SLC35E2B: variants seen among roughly 807,000 people sequenced by gnomAD.
The protein encoded by SLC35E2B is solute carrier family 35, member E2B.
In SLC35E2B, 18 loss-of-function variants were observed where a neutral mutation model predicts 32.4. The observed-to-expected ratio is 0.56, with a 90% confidence interval of 0.38 to 0.82. The LOEUF is 0.82. Ranked by LOEUF, SLC35E2B falls within the 40% of genes least tolerant of loss-of-function variation. The pLI is 0.00. For synonymous variants in SLC35E2B, 132 were observed against 209.1 expected, an observed-to-expected ratio of 0.63 and a Z score of 3.18; for missense variants, 263 against 469.5, an observed-to-expected ratio of 0.56 and a Z score of 4.06.
chr1:1,664,131 C>G lies in SLC35E2B; in HGVS notation c.*1651G>C. 6.8e-6 allele frequency: 3 copies of G among 443,394 alleles called. No homozygotes were observed. The highest frequency in any genetic ancestry group is 9.0e-6 in the Non-Finnish European group (3 of 333,802). The allele number at this position is 443,394 out of a possible 1,614,324, so 27.5% of individuals were successfully genotyped here. On this transcript the variant is annotated 3_prime_UTR_variant, in exon 10 of 10. Transcript: ENST00000617444. Reference sequence around the variant, plus strand: ...CCAGGAAGTCGAGGCTGCAGTGAGCCAAGATCATGCCACTGTACTCCAGCC... The same window carrying G: ...CCAGGAAGTCGAGGCTGCAGTGAGCGAAGATCATGCCACTGTACTCCAGCC...
At chr1:1,679,596 G>A (rs957554731) in intron 2 of SLC35E2B, among the ~76,000 whole-genome samples, 2 of 151,896 alleles carry the variant, frequency 1.3e-5, no homozygotes, top group Admixed American at 6.6e-5. Flanking sequence ...GGAGGCCAAG[G>A]TGGGCGGATC....
chr1:1,669,575 C>T (rs1643630840), intron 8 of SLC35E2B, 89 bp downstream of exon 8: 16 of 1,353,390 alleles, frequency 1.2e-5, no homozygotes, highest in Admixed American at 7.4e-5. Flanking sequence ...AGCCAGCACA[C>T]GGCCTGGAAA....
At chr1:1,670,222 T>C in intron 6 of SLC35E2B, 71 bp from the exon 7 acceptor site, 1 of 1,149,314 alleles carries the variant, frequency 8.7e-7, no homozygotes, top group Non-Finnish European at 1.3e-6. Flanking sequence ...AGAAGGTGTC[T>C]GCGCTCACAC....
chr1:1,678,648 C>G (rs897260402), intron 2 of SLC35E2B, among the ~76,000 whole-genome samples: 6 of 152,152 alleles, frequency 3.9e-5, no homozygotes, highest in Non-Finnish European at 8.8e-5. Flanking sequence ...TTCCCACAGC[C>G]TCGGAATAAC....
chr1:1,678,969 G>A (rs187299405), intron 2 of SLC35E2B, among the ~76,000 whole-genome samples: 2 of 152,246 alleles, frequency 1.3e-5, no homozygotes, highest in South Asian at 2.1e-4. Context: ...GAGCACTCGC[G>A]ACAGGGCTCC....
chr1:1,671,729 G>T, intron 5 of SLC35E2B, 100 bp from the exon 6 acceptor site: 1 of 1,189,578 alleles, frequency 8.4e-7, no homozygotes, highest in Non-Finnish European at 1.1e-6. Context: ...AGGAACGGAT[G>T]CTTCCTTCAA....
At chr1:1,679,830 C>CAA (rs763458628) in intron 2 of SLC35E2B, among the ~76,000 whole-genome samples, 7 of 70,730 alleles carry the variant, frequency 9.9e-5, no homozygotes, top group South Asian at 4.3e-4. Context: ...AGACTCCCGT[C>CAA]AAAAAAAAAA....
chr1:1,670,133 T>C lies in SLC35E2B; in HGVS notation c.726A>G (p.Ser242=). The C allele has an allele frequency of 6.4e-7, 1 of 1,551,642 alleles. No homozygotes were observed. The highest frequency in any genetic ancestry group is 8.7e-7 in the Non-Finnish European group (1 of 1,146,664). ...NIMDCLQNVF[S]KKLLSGDKYR... ...ATTTGTCCCCGCTGAGCAGCTTTTT[T>C]GAAAAAACATTTTGCAAACTAGAAT... The change falls in exon 7 of 10, where the codon TCA becomes TCG. Residue 242 remains serine, a synonymous_variant. Coordinates refer to ENST00000617444, the MANE Select transcript of SLC35E2B (RefSeq NM_001290264.2).
intron 2 of SLC35E2B, among the ~76,000 whole-genome samples, chr1:1,677,362 G>A (rs1643862633): frequency 6.6e-6 from 1 of 151,262 alleles, no homozygotes; most frequent in Admixed American, 6.6e-5. Context: ...CTGTCGTCCT[G>A]GCAGACCTGG....
chr1:1,682,544 G>A (rs183434307), intron 2 of SLC35E2B, among the ~76,000 whole-genome samples: 6 of 152,168 alleles, frequency 3.9e-5, no homozygotes, highest in African/African-American at 1.2e-4. Context: ...CGCACGACTC[G>A]GCTCCACCAT....
At chr1:1,687,577 C>CA (rs916204227) in intron 2 of SLC35E2B, among the ~76,000 whole-genome samples, 4 of 151,836 alleles carry the variant, frequency 2.6e-5, no homozygotes, top group East Asian at 3.9e-4. Context: ...ACTAAAAATA[C>CA]AAAAAAAATT....
chr1:1,663,684 T>C lies in SLC35E2B; in HGVS notation c.*2098A>G, dbSNP rs1266361834. On this transcript the variant is annotated 3_prime_UTR_variant, in exon 10 of 10. Coordinates refer to ENST00000617444, the MANE Select transcript of SLC35E2B (RefSeq NM_001290264.2). ...CAGGGTTTCATCATGTTGGCCAGGCTGGTCTCGAACTCCTGGCCTTGTGAT... is the reference window on the plus strand; with the variant it reads ...CAGGGTTTCATCATGTTGGCCAGGCCGGTCTCGAACTCCTGGCCTTGTGAT... The C allele has an allele frequency of 7.2e-6, 2 of 276,502 alleles. 1 individual carries two copies. Among genetic ancestry groups the C allele is most frequent in the Non-Finnish European group, 1.1e-5 (2 of 182,078 alleles). The allele number at this position is 276,502 out of a possible 1,614,324, so 17.1% of individuals were successfully genotyped here.
At position 1,683,447 on chromosome 1, in the gene SLC35E2B, G is replaced by A. The variant is rs148959561; in HGVS notation, c.-147-6601C>T. On this transcript the variant is annotated intron_variant, in intron 2 of 9. Coordinates refer to ENST00000617444, the MANE Select transcript of SLC35E2B (RefSeq NM_001290264.2). The stretch of plus-strand genomic sequence containing the variant: ...ACTGCAGAAAGCACTTACGTTAAAA[G>A]AAAACAGAGGAGCAGCCGGCCGCAG... Among the ~76,000 whole-genome samples, 958 of 152,302 alleles carry A rather than the reference G, an allele frequency of 6.3e-3. 15 individuals are homozygous for A. The highest frequency in any genetic ancestry group is 0.021 in the African/African-American group (868 of 41,546).
chr1:1,671,716 G>A, intron 5 of SLC35E2B, 87 bp from the exon 6 acceptor site: 2 of 1,289,590 alleles, frequency 1.6e-6, no homozygotes, highest in South Asian at 3.4e-5. Flanking sequence ...CCCCTCTTAT[G>A]AAAGGAACGG....
intron 2 of SLC35E2B, among the ~76,000 whole-genome samples, chr1:1,678,371 C>T (rs1014134377): frequency 2.0e-5 from 3 of 152,104 alleles, no homozygotes; most frequent in African/African-American, 7.2e-5. Context: ...GAAACTTGGC[C>T]TCCCCATACC....
At position 1,665,113 on chromosome 1, in the gene SLC35E2B, G is replaced by T; in HGVS notation, c.*669C>A. On this transcript the variant is annotated 3_prime_UTR_variant, in exon 10 of 10. Transcript: ENST00000617444. ...AGGGCAGGGTGTGGAAGAGGTAGGG[G>T]GCCTTCCTCTAAACAGAAGCGACTG... The T allele has an allele frequency of 4.3e-6, 1 of 233,140 alleles. No individual in the cohort carries two copies. Among genetic ancestry groups the T allele is most frequent in the Non-Finnish European group, 7.0e-6 (1 of 141,958 alleles). 14.4% of individuals were successfully genotyped at this position (233,140 alleles called of 1,614,324 possible).
At chr1:1,677,931 C>T (rs866617977) in intron 2 of SLC35E2B, among the ~76,000 whole-genome samples, 1 of 151,920 alleles carries the variant, frequency 6.6e-6, no homozygotes, top group African/African-American at 2.4e-5. Context: ...GGGCTTTGCA[C>T]AGACGCCACT....
chr1:1,673,389 G>T, intron 5 of SLC35E2B: 1 of 422,588 alleles, frequency 2.4e-6, no homozygotes, highest in Non-Finnish European at 4.8e-6. Context: ...AGTTATTATG[G>T]GCAGGTGCAG....
chr1:1,663,098 C>T lies in SLC35E2B; in HGVS notation c.*2684G>A. On this transcript the variant is annotated 3_prime_UTR_variant, in exon 10 of 10. Transcript: ENST00000617444. ...AGGGGACAGCACGACTGAGCAAGGGCACAGTGCTGGCTGCCTCATGGGCTC... is the reference window on the plus strand; with the variant it reads ...AGGGGACAGCACGACTGAGCAAGGGTACAGTGCTGGCTGCCTCATGGGCTC... 1.0e-6 allele frequency: 1 copy of T among 960,182 alleles called. No homozygotes were observed. Among genetic ancestry groups the T allele is most frequent in the Non-Finnish European group, 1.2e-6 (1 of 807,690 alleles). 59.5% of individuals were successfully genotyped at this position (960,182 alleles called of 1,614,324 possible).
Sources: allele counts gnomAD v4.1 joint callset (sites outside exome capture counted in the v4.1 genomes callset), GRCh38; gene constraint gnomAD v4.1.1; transcripts MANE v1.5; gene names NCBI Gene and HGNC (gene_info 2026-07-23, HGNC 2026-07-21).